The following SLC26A7 variants were observed in gnomAD, a reference collection of about 807,000 sequenced individuals.
The protein encoded by SLC26A7 is solute carrier family 26 member 7, also known as anion exchange transporter.
A neutral mutation model predicts 82.5 loss-of-function variants in SLC26A7; 59 were observed. That is an observed-to-expected ratio of 0.72 (90% CI 0.58 to 0.89). SLC26A7 has a LOEUF of 0.89. SLC26A7 is among the 40% of genes least tolerant of loss of function. The pLI is 0.00. For missense variants in SLC26A7, 820 were observed against 793.0 expected, an observed-to-expected ratio of 1.03 and a Z score of -0.41; for synonymous variants, 271 against 274.3, an observed-to-expected ratio of 0.99 and a Z score of 0.12.
At chr8:91,375,082 T>A (rs1452503626) in intron 15 of SLC26A7, among the ~76,000 whole-genome samples, 1 of 152,086 alleles carries the variant, frequency 6.6e-6, no homozygotes, top group Non-Finnish European at 1.5e-5. Flanking sequence ...GTTTTTCATT[T>A]GTGAGATAGA....
At chr8:91,299,414 T>C (rs995903950) in intron 4 of SLC26A7, among the ~76,000 whole-genome samples, 10 of 138,396 alleles carry the variant, frequency 7.2e-5, no homozygotes, top group Non-Finnish European at 1.4e-4. Context: ...TAGACTTCCA[T>C]GATTTATTTT....
chr8:91,240,961 C>A (rs920602575), intron 2 of SLC26A7, among the ~76,000 whole-genome samples: 1 of 152,046 alleles, frequency 6.6e-6, no homozygotes, highest in Non-Finnish European at 1.5e-5. Flanking sequence ...AAGAGCCTCA[C>A]TGGCACATAG....
At chr8:91,239,902 C>T (rs889121468) in intron 2 of SLC26A7, among the ~76,000 whole-genome samples, 8 of 152,296 alleles carry the variant, frequency 5.3e-5, no homozygotes, top group East Asian at 1.9e-4. Context: ...TATTCCTTTA[C>T]GTTTTTAATG....
chr8:91,360,970 G>A (rs990559955), intron 11 of SLC26A7, among the ~76,000 whole-genome samples: 9 of 152,232 alleles, frequency 5.9e-5, no homozygotes, highest in Admixed American at 2.6e-4. Context: ...ATGACTGACT[G>A]TGTGTTCACC....
chr8:91,261,069 C>T (rs912270287), intron 2 of SLC26A7, among the ~76,000 whole-genome samples: 1 of 152,068 alleles, frequency 6.6e-6, no homozygotes, highest in African/African-American at 2.4e-5. Flanking sequence ...CCAGTTACCA[C>T]AGGGAAATAA....
At chr8:91,234,789 C>T (rs1810363566) in intron 2 of SLC26A7, among the ~76,000 whole-genome samples, 3 of 120,608 alleles carry the variant, frequency 2.5e-5, no homozygotes, top group African/African-American at 3.5e-5. Context: ...CCTTCCCTCC[C>T]TCCCTACCTA....
chr8:91,222,110 AG>A (rs1810168677), intron 2 of SLC26A7, among the ~76,000 whole-genome samples: 1 of 152,006 alleles, frequency 6.6e-6, no homozygotes. Flanking sequence ...TTGTATTCCA[AG>A]GTATTTTATT....
chr8:91,293,276 A>G (rs1811922681), intron 3 of SLC26A7, among the ~76,000 whole-genome samples: 1 of 152,244 alleles, frequency 6.6e-6, no homozygotes, highest in Admixed American at 6.5e-5. Context: ...AAGTAGTGGT[A>G]TATAAGGGTA....
chr8:91,298,395 A>C (rs1343395592), intron 4 of SLC26A7, among the ~76,000 whole-genome samples: 4 of 152,102 alleles, frequency 2.6e-5, no homozygotes, highest in African/African-American at 9.7e-5. Flanking sequence ...TAGAACAATA[A>C]ATTTCTGATT....
At chr8:91,383,461 A>G (rs1354944656) in intron 15 of SLC26A7, among the ~76,000 whole-genome samples, 1 of 152,150 alleles carries the variant, frequency 6.6e-6, no homozygotes, top group African/African-American at 2.4e-5. Flanking sequence ...AAACTGAGTA[A>G]GGGAATGGGC....
intron 2 of SLC26A7, among the ~76,000 whole-genome samples, chr8:91,223,288 G>T (rs1810186909): frequency 6.6e-6 from 1 of 151,842 alleles, no homozygotes; most frequent in Non-Finnish European, 1.5e-5. Flanking sequence ...CCAGCTCCTG[G>T]ATTCATTTAT....
chr8:91,349,798 T>A (rs1813663862), intron 9 of SLC26A7, among the ~76,000 whole-genome samples: 1 of 152,120 alleles, frequency 6.6e-6, no homozygotes, highest in African/African-American at 2.4e-5. Context: ...TACATGCCAT[T>A]GTCTTTTGTC....
In SLC26A7 at chr8:91,212,070, T is replaced by A. The variant is rs369449717; in HGVS notation, c.-150+2528T>A. ...TTTTCTAAATGCTATAGTTCTGCCA[T>A]CAAAGTTGAATTAGTCCTTAGCAAT... On this transcript the variant is annotated intron_variant, in intron 1 of 5. Coordinates refer to the SLC26A7 transcript ENST00000522862. 7.2e-4 allele frequency among the ~76,000 whole-genome samples: 110 copies of A among 152,240 alleles called. 4 individuals are homozygous for A. In the South Asian group the frequency reaches 0.022, roughly 31 times the overall value.
At chr8:91,390,616 T>G (rs573451674) in intron 16 of SLC26A7, among the ~76,000 whole-genome samples, 1 of 152,208 alleles carries the variant, frequency 6.6e-6, no homozygotes, top group African/African-American at 2.4e-5. Flanking sequence ...AGAGGTTTTC[T>G]TACTCAGACC....
chr8:91,252,484 GT>G (rs1810686205), intron 2 of SLC26A7, among the ~76,000 whole-genome samples: 1 of 151,654 alleles, frequency 6.6e-6, no homozygotes, highest in South Asian at 2.1e-4. Context: ...TATTCTCTTG[GT>G]TTTTAGACAC....
intron 1 of SLC26A7, among the ~76,000 whole-genome samples, chr8:91,215,911 C>A (rs1227102091): frequency 6.6e-6 from 1 of 151,992 alleles, no homozygotes; most frequent in Non-Finnish European, 1.5e-5. Flanking sequence ...AATAATGCCA[C>A]AAATAGAAAT....
chr8:91,310,429 T>C (rs891097965), intron 4 of SLC26A7, among the ~76,000 whole-genome samples: 13 of 152,238 alleles, frequency 8.5e-5, no homozygotes, highest in Non-Finnish European at 1.8e-4. Context: ...GGGCAGTTTA[T>C]GGGTCCCCTG....
intron 11 of SLC26A7, among the ~76,000 whole-genome samples, chr8:91,357,048 A>AT (rs1813890380): frequency 1.3e-5 from 2 of 152,078 alleles, no homozygotes; most frequent in Admixed American, 1.3e-4. Context: ...AGTTACCTTT[A>AT]CTTAGGAGGT....
chr8:91,389,054 T>C (rs2130904540), intron 15 of SLC26A7, among the ~76,000 whole-genome samples: 1 of 152,334 alleles, frequency 6.6e-6, no homozygotes. Context: ...ATTTAAACTT[T>C]TAAACTGAAC....
Sources: allele counts gnomAD v4.1 joint callset (sites outside exome capture counted in the v4.1 genomes callset), GRCh38; gene constraint gnomAD v4.1.1; transcripts MANE v1.5; gene names NCBI Gene and HGNC (gene_info 2026-07-23, HGNC 2026-07-21).